The following AGBL4 variants were observed in gnomAD, a reference collection of about 807,000 sequenced individuals.
The protein encoded by AGBL4 is cytosolic carboxypeptidase 6.
Under a neutral mutation model 66.4 loss-of-function variants are expected in AGBL4, and 58 were observed. That is an observed-to-expected ratio of 0.87 (90% CI 0.71 to 1.09). AGBL4 has a LOEUF of 1.09. Among genes scored for constraint, AGBL4 ranks in the 50% least tolerant of loss-of-function variants. The pLI is 0.00. For synonymous variants in AGBL4, 234 were observed against 222.9 expected, an observed-to-expected ratio of 1.05 and a Z score of -0.44; for missense variants, 579 against 631.0, an observed-to-expected ratio of 0.92 and a Z score of 0.88.
At chr1:48,847,399 CA>C (rs11413755) in intron 6 of AGBL4, among the ~76,000 whole-genome samples, 2,858 of 126,072 alleles carry the variant, frequency 0.023, 75 homozygotes, top group African/African-American at 0.078. Flanking sequence ...AGAAATGAGG[CA>C]AAAAAAAAAA....
chr1:49,416,564 A>C (rs991158492), intron 3 of AGBL4, among the ~76,000 whole-genome samples: 1 of 152,136 alleles, frequency 6.6e-6, no homozygotes, highest in Non-Finnish European at 1.5e-5. Context: ...TTACAACATA[A>C]TGTTTAAGAG....
chr1:49,772,876 C>T (rs1314376931), intron 2 of AGBL4, among the ~76,000 whole-genome samples: 1 of 152,050 alleles, frequency 6.6e-6, no homozygotes, highest in Non-Finnish European at 1.5e-5. Flanking sequence ...TCTGAATGTC[C>T]ATATCTCTCA....
intron 2 of AGBL4, among the ~76,000 whole-genome samples, chr1:49,831,379 G>A (rs1181568955): frequency 6.6e-6 from 1 of 152,114 alleles, no homozygotes; most frequent in Non-Finnish European, 1.5e-5. Flanking sequence ...AATTGTGAAT[G>A]GGAGTTCACT....
At chr1:49,375,502 C>T (rs747775704) in intron 3 of AGBL4, among the ~76,000 whole-genome samples, 4 of 151,954 alleles carry the variant, frequency 2.6e-5, no homozygotes, top group African/African-American at 9.7e-5. Context: ...GAACCCAGAG[C>T]TTATCTGCAT....
At chr1:49,288,423 G>A (rs1305714069) in intron 3 of AGBL4, among the ~76,000 whole-genome samples, 1 of 151,666 alleles carries the variant, frequency 6.6e-6, no homozygotes, top group Non-Finnish European at 1.5e-5. Flanking sequence ...AGATCCAACA[G>A]AGAGCATTTG....
chr1:49,406,882 G>A (rs1222480016), intron 3 of AGBL4, among the ~76,000 whole-genome samples: 2 of 151,648 alleles, frequency 1.3e-5, no homozygotes, highest in South Asian at 2.1e-4. Context: ...TGGCTAACAC[G>A]GTGAAACCCC....
chr1:49,642,109 T>C (rs571870881), intron 3 of AGBL4, among the ~76,000 whole-genome samples: 1 of 151,936 alleles, frequency 6.6e-6, no homozygotes, highest in Admixed American at 6.6e-5. Flanking sequence ...TTCTCAAAGA[T>C]GGTATTAAGC....
At chr1:49,551,096 G>T (rs964447375) in intron 3 of AGBL4, among the ~76,000 whole-genome samples, 1 of 152,070 alleles carries the variant, frequency 6.6e-6, no homozygotes, top group Non-Finnish European at 1.5e-5. Context: ...CTATTGCTGA[G>T]ACTTTCCAGA....
intron 4 of AGBL4, among the ~76,000 whole-genome samples, chr1:49,133,437 A>C (rs1221182612): frequency 6.6e-6 from 1 of 152,208 alleles, no homozygotes; most frequent in Non-Finnish European, 1.5e-5. Context: ...AGTTTTACAG[A>C]TTTGAACAGC....
chr1:49,825,946 T>C (rs953122146), intron 2 of AGBL4, among the ~76,000 whole-genome samples: 1 of 151,658 alleles, frequency 6.6e-6, no homozygotes, highest in Non-Finnish European at 1.5e-5. Context: ...ACCCATATAG[T>C]AAATAATAAA....
chr1:49,659,280 A>G (rs1044813578), intron 3 of AGBL4, among the ~76,000 whole-genome samples: 5 of 152,166 alleles, frequency 3.3e-5, no homozygotes, highest in African/African-American at 7.2e-5. Context: ...ACCAGTTAGC[A>G]TCATGCTAAC....
chr1:48,933,571 C>A (rs1274407963), intron 5 of AGBL4, among the ~76,000 whole-genome samples: 1 of 152,144 alleles, frequency 6.6e-6, no homozygotes, highest in Non-Finnish European at 1.5e-5. Context: ...TCCAAATAAC[C>A]CCATTCCTAC....
intron 6 of AGBL4, among the ~76,000 whole-genome samples, chr1:48,816,751 C>G (rs545011051): frequency 3.7e-4 from 57 of 152,172 alleles, no homozygotes; most frequent in African/African-American, 1.3e-3. Flanking sequence ...AACTATGTGC[C>G]CAGCAGAGAG....
intron 4 of AGBL4, among the ~76,000 whole-genome samples, chr1:49,134,336 G>T (rs1645962105): frequency 6.6e-6 from 1 of 152,070 alleles, no homozygotes; most frequent in Non-Finnish European, 1.5e-5. Flanking sequence ...CAAGAGCAGA[G>T]AACCGGTCTG....
At chr1:49,335,750 T>C (rs879667618) in intron 3 of AGBL4, among the ~76,000 whole-genome samples, 9 of 152,088 alleles carry the variant, frequency 5.9e-5, no homozygotes, top group African/African-American at 1.2e-4. Context: ...CTCCTGACCT[T>C]GTGATCCGCC....
intron 6 of AGBL4, among the ~76,000 whole-genome samples, chr1:48,831,661 T>C (rs189112671): frequency 1.3e-3 from 200 of 152,356 alleles, no homozygotes; most frequent in Non-Finnish European, 2.4e-3. Flanking sequence ...TAATATGGGA[T>C]AGCTGAATTA....
chr1:49,987,766 A>G (rs921719082), intron 1 of AGBL4, among the ~76,000 whole-genome samples: 11 of 152,082 alleles, frequency 7.2e-5, no homozygotes, highest in African/African-American at 2.4e-4. Flanking sequence ...CCAATTTCTC[A>G]TGATGTAACT....
At chr1:49,508,645 G>C (rs913482454) in intron 3 of AGBL4, among the ~76,000 whole-genome samples, 2 of 151,786 alleles carry the variant, frequency 1.3e-5, no homozygotes, top group African/African-American at 4.8e-5. Context: ...GATATTCATG[G>C]GTTTAAATCC....
chr1:48,592,398 C>T (rs570090791), intron 9 of AGBL4, among the ~76,000 whole-genome samples: 1 of 152,330 alleles, frequency 6.6e-6, no homozygotes, highest in East Asian at 1.9e-4. Flanking sequence ...GGCTCAATGA[C>T]TGTCATTTCA....
Sources: gnomAD v4.1 joint callset for allele counts (sites outside exome capture counted in the v4.1 genomes callset) on GRCh38, gnomAD v4.1.1 for gene constraint, MANE v1.5 for transcripts, NCBI Gene and HGNC (gene_info 2026-07-23, HGNC 2026-07-21) for gene names.